The following CHRM5 variants were observed in gnomAD, a reference collection of about 807,000 sequenced individuals.
CHRM5 encodes the protein muscarinic acetylcholine receptor M5.
CHRM5 carries 18 observed loss-of-function variants against 39.0 expected under a neutral mutation model. The ratio of observed to expected loss-of-function variants is 0.46; its 90% confidence interval spans 0.32 to 0.68. The LOEUF (loss-of-function observed/expected upper bound fraction) is 0.68. Ranked by LOEUF, CHRM5 falls within the 30% of genes least tolerant of loss-of-function variation. The pLI is 0.04. For missense variants in CHRM5, 515 were observed against 651.1 expected, an observed-to-expected ratio of 0.79 and a Z score of 2.28; for synonymous variants, 241 against 246.3, an observed-to-expected ratio of 0.98 and a Z score of 0.20.
intron 1 of CHRM5, chr15:34,039,054 C>T: frequency 1.8e-6 from 2 of 1,101,618 alleles, no homozygotes; most frequent in South Asian, 4.2e-5. Context: ...CATCTGGCCG[C>T]CGCTGGCGGT....
intron 1 of CHRM5, among the ~76,000 whole-genome samples, chr15:34,014,979 C>A (rs1285435337): frequency 6.6e-6 from 1 of 152,098 alleles, no homozygotes; most frequent in Non-Finnish European, 1.5e-5. Flanking sequence ...GAAGCAGGGA[C>A]CATCTTTTTA....
chr15:34,016,583 A>C (rs1345103905), intron 1 of CHRM5, among the ~76,000 whole-genome samples: 1 of 152,212 alleles, frequency 6.6e-6, no homozygotes, highest in Non-Finnish European at 1.5e-5. Flanking sequence ...TCTTTAAAAA[A>C]TATTACCAAC....
Position 34,067,184 on chromosome 15 carries a change from A to C in CHRM5, c.*2868A>C, listed in dbSNP as rs1377283891. ...TTGTTTCCCCTTGGCTGTGAATTTG[A>C]TGACTTGTCAGGGAATCTGTTTTCC... On this transcript the variant is annotated 3_prime_UTR_variant, in exon 3 of 3. Transcript: ENST00000383263. 6.6e-6 allele frequency: 1 copy of C among 152,176 alleles called. No individual in the cohort carries two copies. Among genetic ancestry groups the C allele is most frequent in the African/African-American group, 2.4e-5 (1 of 41,442 alleles). The allele number at this position is 152,176 out of a possible 1,614,324, so 9.4% of individuals were successfully genotyped here. A position where few individuals can be genotyped will look rare whatever the true frequency, so the allele number is the denominator to read the frequency against.
intron 1 of CHRM5, among the ~76,000 whole-genome samples, chr15:33,979,990 T>C (rs966912440): frequency 1.3e-5 from 2 of 152,074 alleles, no homozygotes; most frequent in African/African-American, 4.8e-5. Context: ...TTTTAAAAAA[T>C]AATCAGCTCA....
Position 34,064,504 on chromosome 15 carries a change from T to C in CHRM5, c.*188T>C, listed in dbSNP as rs1900459698. 1.5e-6 allele frequency: 1 copy of C among 687,446 alleles called. No individual in the cohort carries two copies. Among genetic ancestry groups the C allele is most frequent in the African/African-American group, 1.8e-5 (1 of 55,282 alleles). The allele number at this position is 687,446 out of a possible 1,614,324, so 42.6% of individuals were successfully genotyped here. ...ATAGCTGCAGCAATTGCTGACATAT[T>C]AAATGACTCTTGCCTATGACCAAGG... is the stretch of plus-strand genomic sequence containing the variant. On this transcript the variant is annotated 3_prime_UTR_variant, in exon 3 of 3. Coordinates refer to ENST00000383263, the MANE Select transcript of CHRM5 (RefSeq NM_012125.4).
At chr15:34,023,461 C>A (rs1898301572) in intron 1 of CHRM5, among the ~76,000 whole-genome samples, 1 of 152,138 alleles carries the variant, frequency 6.6e-6, no homozygotes, top group African/African-American at 2.4e-5. Flanking sequence ...CACCAGAGCT[C>A]AGGCGCAGCC....
intron 1 of CHRM5, among the ~76,000 whole-genome samples, chr15:33,992,399 G>A (rs12593168): frequency 0.084 from 12,689 of 150,362 alleles, 643 homozygotes; most frequent in South Asian, 0.2. Context: ...CAAAAAAAAA[G>A]AAAAAAGAAA....
chr15:34,061,033 T>A (rs1900319635), intron 2 of CHRM5, among the ~76,000 whole-genome samples: 1 of 146,202 alleles, frequency 6.8e-6, no homozygotes, highest in Non-Finnish European at 1.5e-5. Context: ...AAAAAAAAGA[T>A]TTTTTTTTTC....
chr15:33,976,258 T>C (rs1597297160), intron 1 of CHRM5, among the ~76,000 whole-genome samples: 1 of 152,256 alleles, frequency 6.6e-6, no homozygotes, highest in African/African-American at 2.4e-5. Flanking sequence ...TCAGTGATCA[T>C]CTCCAGCACT....
At chr15:33,996,997 G>A (rs369057166) in intron 1 of CHRM5, among the ~76,000 whole-genome samples, 20 of 152,294 alleles carry the variant, frequency 1.3e-4, no homozygotes, top group East Asian at 7.7e-4. Flanking sequence ...AATAAACAGC[G>A]TAGAGAAGAC....
At chr15:34,053,319 AAT>A (rs71119922) in intron 2 of CHRM5, among the ~76,000 whole-genome samples, 3,009 of 41,952 alleles carry the variant, frequency 0.072, 165 homozygotes, top group South Asian at 0.22. Flanking sequence ...AAAAAAAAAA[AAT>A]ATATATATAT....
At chr15:34,052,451 C>T (rs1229659103) in intron 2 of CHRM5, among the ~76,000 whole-genome samples, 1 of 152,188 alleles carries the variant, frequency 6.6e-6, no homozygotes, top group Non-Finnish European at 1.5e-5. Context: ...CAAGGGTACT[C>T]TGTCTTACCA....
At chr15:34,005,666 A>T (rs1897309800) in intron 1 of CHRM5, among the ~76,000 whole-genome samples, 1 of 152,200 alleles carries the variant, frequency 6.6e-6, no homozygotes, top group Non-Finnish European at 1.5e-5. Flanking sequence ...TCCCTCTTTC[A>T]TCGAGGAAAT....
At chr15:34,004,810 T>C (rs984467874) in intron 1 of CHRM5, among the ~76,000 whole-genome samples, 13 of 152,110 alleles carry the variant, frequency 8.5e-5, no homozygotes, top group African/African-American at 2.9e-4. Flanking sequence ...TGTATTTAAA[T>C]TTTTTCATAA....
intron 1 of CHRM5, chr15:34,038,671 C>CCG: frequency 1.9e-6 from 2 of 1,037,146 alleles, no homozygotes; most frequent in Non-Finnish European, 2.3e-6. Flanking sequence ...GGCGCCGCCG[C>CCG]CCGTCTGGCG....
chr15:34,021,523 G>A (rs1567472350), intron 1 of CHRM5, among the ~76,000 whole-genome samples: 1 of 152,066 alleles, frequency 6.6e-6, no homozygotes, highest in Non-Finnish European at 1.5e-5. Context: ...GACCTCAGGT[G>A]AGCCACCGCG....
chr15:34,037,979 C>A (rs1011311170), intron 1 of CHRM5, among the ~76,000 whole-genome samples: 3 of 152,176 alleles, frequency 2.0e-5, no homozygotes, highest in Non-Finnish European at 2.9e-5. Flanking sequence ...AAAGACAGTC[C>A]TCTAACTCCT....
chr15:33,976,088 G>A (rs1399305971), intron 1 of CHRM5, among the ~76,000 whole-genome samples: 1 of 152,122 alleles, frequency 6.6e-6, no homozygotes, highest in African/African-American at 2.4e-5. Context: ...TGGGGCTCAA[G>A]TATTTAAGCT....
chr15:34,044,244 C>T (rs1179603522), intron 1 of CHRM5, among the ~76,000 whole-genome samples: 1 of 152,198 alleles, frequency 6.6e-6, no homozygotes, highest in African/African-American at 2.4e-5. Context: ...ATCCACTCCT[C>T]AAGCCTTTTG....
Sources: allele counts gnomAD v4.1 joint callset (sites outside exome capture counted in the v4.1 genomes callset), GRCh38; gene constraint gnomAD v4.1.1; transcripts MANE v1.5; gene names NCBI Gene and HGNC (gene_info 2026-07-23, HGNC 2026-07-21).